CADPS2: variants seen among roughly 807,000 people sequenced by gnomAD.
CADPS2 encodes the protein calcium dependent secretion activator 2.
A neutral mutation model predicts 172.5 loss-of-function variants in CADPS2; 93 were observed. The observed-to-expected ratio is 0.54, with a 90% confidence interval of 0.46 to 0.64. The LOEUF (loss-of-function observed/expected upper bound fraction) is 0.64. CADPS2 is among the 30% of genes least tolerant of loss of function. The probability of loss-of-function intolerance (pLI) is 0.00; values close to 1 mark genes in which losing one functional copy is unlikely to be tolerated. For synonymous variants in CADPS2, 546 were observed against 555.2 expected, an observed-to-expected ratio of 0.98 and a Z score of 0.23; for missense variants, 1,420 against 1,565.9, an observed-to-expected ratio of 0.91 and a Z score of 1.57.
chr7:122,723,206 T>C (rs1015462158), intron 2 of CADPS2, among the ~76,000 whole-genome samples: 3 of 152,102 alleles, frequency 2.0e-5, no homozygotes, highest in African/African-American at 4.8e-5. Flanking sequence ...AAAGAGCTTC[T>C]GCACAGTGAA....
intron 1 of CADPS2, among the ~76,000 whole-genome samples, chr7:122,880,187 C>G (rs1199920003): frequency 6.6e-6 from 1 of 152,142 alleles, no homozygotes; most frequent in African/African-American, 2.4e-5. Context: ...GGAGATTTCA[C>G]TGTATTCTTC....
At chr7:122,703,970 A>C (rs2086580199) in intron 2 of CADPS2, among the ~76,000 whole-genome samples, 1 of 152,108 alleles carries the variant, frequency 6.6e-6, no homozygotes, top group Admixed American at 6.6e-5. Context: ...TTTTATCTTA[A>C]ATCTTTATCT....
rs550604602 is a variant in CADPS2 at position 122,803,160 on chromosome 7, T to C, written c.340-66092A>G. Among the ~76,000 whole-genome samples the C allele has an allele frequency of 3.9e-5, 6 of 152,262 alleles. No individual in the cohort carries two copies. In the South Asian group the frequency reaches 1.0e-3, roughly 26 times the overall value. On this transcript the variant is annotated intron_variant, in intron 1 of 29. Transcript: ENST00000449022. The stretch of plus-strand genomic sequence containing the variant: ...ACATATATAAACTCAGAAAAAAACA[T>C]TCAAAATTATAACCTTGAACTCAAC...
intron 28 of CADPS2, among the ~76,000 whole-genome samples, chr7:122,339,177 CAAAG>C (rs1042429408): frequency 3.3e-5 from 5 of 152,124 alleles, no homozygotes; most frequent in Admixed American, 6.5e-5. Flanking sequence ...ATTACATACA[CAAAG>C]AAACTGGCTC....
chr7:122,420,843 C>A (rs909815809), intron 17 of CADPS2: 4 of 152,166 alleles, frequency 2.6e-5, no homozygotes, highest in Non-Finnish European at 4.4e-5. Flanking sequence ...CTGTAACACT[C>A]CTTGGCTCAT....
intron 9 of CADPS2, among the ~76,000 whole-genome samples, chr7:122,495,544 A>C (rs1033635281): frequency 1.3e-5 from 2 of 152,210 alleles, no homozygotes; most frequent in African/African-American, 2.4e-5. Context: ...GTCACACTTT[A>C]ACCACTATCC....
intron 24 of CADPS2, 81 bp from the exon 25 acceptor site, chr7:122,379,523 T>C: frequency 1.2e-6 from 1 of 805,488 alleles, no homozygotes; most frequent in Non-Finnish European, 2.1e-6. Flanking sequence ...CTAAATCTAC[T>C]AGTTATGACC....
intron 8 of CADPS2, among the ~76,000 whole-genome samples, chr7:122,544,701 G>A (rs1317322470): frequency 6.6e-6 from 1 of 152,190 alleles, no homozygotes; most frequent in Non-Finnish European, 1.5e-5. Context: ...AAATGCACAT[G>A]TGCTTTTTGA....
chr7:122,461,942 T>C (rs1302468929), intron 14 of CADPS2, among the ~76,000 whole-genome samples: 1 of 152,146 alleles, frequency 6.6e-6, no homozygotes, highest in Non-Finnish European at 1.5e-5. Flanking sequence ...AGAAAATGAA[T>C]GTCTTCAAAG....
intron 1 of CADPS2, among the ~76,000 whole-genome samples, chr7:122,803,974 GAAAAAAAAAA>G (rs869246600): frequency 3.5e-5 from 3 of 85,122 alleles, no homozygotes; most frequent in African/African-American, 8.6e-5. Flanking sequence ...GGCTTGAATG[GAAAAAAAAAA>G]AAAAAAAAAA....
intron 3 of CADPS2, among the ~76,000 whole-genome samples, chr7:122,660,677 G>A (rs974860128): frequency 5.9e-5 from 9 of 151,678 alleles, no homozygotes; most frequent in Admixed American, 3.9e-4. Flanking sequence ...TTGGGAGGCC[G>A]AGGCGGGCGG....
At chr7:122,522,866 C>A (rs904138344) in intron 8 of CADPS2, among the ~76,000 whole-genome samples, 11 of 152,144 alleles carry the variant, frequency 7.2e-5, no homozygotes, top group African/African-American at 2.7e-4. Flanking sequence ...TATATAATAA[C>A]CTCCAGTTTC....
At chr7:122,515,945 A>C (rs1586783470) in intron 8 of CADPS2, among the ~76,000 whole-genome samples, 1 of 152,078 alleles carries the variant, frequency 6.6e-6, no homozygotes, top group East Asian at 1.9e-4. Context: ...TTGGAAAAAA[A>C]ACATGCAAAA....
At chr7:122,749,504 T>C (rs774809748) in intron 1 of CADPS2, among the ~76,000 whole-genome samples, 24 of 152,166 alleles carry the variant, frequency 1.6e-4, no homozygotes, top group Non-Finnish European at 3.2e-4. Flanking sequence ...CCCTAACAAA[T>C]AACAAAATTC....
At chr7:122,873,616 T>C (rs1337773123) in intron 1 of CADPS2, among the ~76,000 whole-genome samples, 1 of 152,190 alleles carries the variant, frequency 6.6e-6, no homozygotes, top group African/African-American at 2.4e-5. Context: ...TTGTAAATAG[T>C]GCTACAGTAA....
chr7:122,868,874 A>G (rs1403409556), intron 1 of CADPS2, among the ~76,000 whole-genome samples: 1 of 152,212 alleles, frequency 6.6e-6, no homozygotes, highest in Non-Finnish European at 1.5e-5. Context: ...ACTACTAAAC[A>G]GAAATCATTG....
At chr7:122,871,836 C>G (rs1360847360) in intron 1 of CADPS2, among the ~76,000 whole-genome samples, 1 of 152,092 alleles carries the variant, frequency 6.6e-6, no homozygotes, top group Non-Finnish European at 1.5e-5. Context: ...TCTAATACAT[C>G]TGGCTACTTC....
intron 11 of CADPS2, among the ~76,000 whole-genome samples, chr7:122,483,403 C>CT (rs1367817904): frequency 1.3e-5 from 2 of 152,078 alleles, no homozygotes; most frequent in Admixed American, 6.5e-5. Flanking sequence ...AAAATAAATA[C>CT]TTTTTTTCGT....
intron 8 of CADPS2, among the ~76,000 whole-genome samples, chr7:122,537,083 C>T (rs975205690): frequency 1.3e-5 from 2 of 151,592 alleles, no homozygotes; most frequent in Non-Finnish European, 2.9e-5. Context: ...GGCTTAATAT[C>T]TAGATGATAA....
Sources: allele counts gnomAD v4.1 joint callset (sites outside exome capture counted in the v4.1 genomes callset), GRCh38; gene constraint gnomAD v4.1.1; transcripts MANE v1.5; gene names NCBI Gene and HGNC (gene_info 2026-07-23, HGNC 2026-07-21).